Variants in MMP26 observed in about 807,000 individuals in gnomAD.
MMP26 encodes matrix metalloproteinase-26.
Under a neutral mutation model 31.0 loss-of-function variants are expected in MMP26, and 33 were observed. The observed-to-expected ratio is 1.06, with a 90% CI of 0.81 to 1.42. MMP26 has a LOEUF of 1.42. Among genes scored for constraint, MMP26 ranks in the 40% most tolerant of loss-of-function variants. The pLI is 0.00. For missense variants in MMP26, 347 were observed against 316.1 expected, an observed-to-expected ratio of 1.10 and a Z score of -0.74; for synonymous variants, 122 against 114.9, an observed-to-expected ratio of 1.06 and a Z score of -0.40.
chr11:4,913,533 C>G (rs1304808636), intron 2 of MMP26: 2 of 152,156 alleles, frequency 1.3e-5, no homozygotes, highest in Admixed American at 1.3e-4. Context: ...ACATGTATTA[C>G]TCAAAATATA....
intron 1 of MMP26, among the ~76,000 whole-genome samples, chr11:4,714,918 TCTCACA>T (rs1357695616): frequency 1.5e-4 from 19 of 130,268 alleles, no homozygotes; most frequent in African/African-American, 3.9e-4. Context: ...TCTCTCTCTC[TCTCACA>T]CACACACACA....
intron 2 of MMP26, among the ~76,000 whole-genome samples, chr11:4,829,147 A>G (rs1356412197): frequency 1.3e-5 from 2 of 152,204 alleles, no homozygotes; most frequent in Non-Finnish European, 2.9e-5. Flanking sequence ...GTAAAAGGCT[A>G]CTAAATACCA....
At chr11:4,911,949 C>T (rs1173934197) in intron 2 of MMP26, among the ~76,000 whole-genome samples, 2 of 152,174 alleles carry the variant, frequency 1.3e-5, no homozygotes, top group Non-Finnish European at 2.9e-5. Flanking sequence ...ACCCAACTAA[C>T]TTCTGCTTAT....
At chr11:4,888,581 A>G (rs115348639) in intron 2 of MMP26, among the ~76,000 whole-genome samples, 2,332 of 152,212 alleles carry the variant, frequency 0.015, 73 homozygotes, top group African/African-American at 0.054. Flanking sequence ...TTTTTACCAA[A>G]AGCACAATCA....
chr11:4,922,643 AAC>A (rs1462369564), intron 2 of MMP26, among the ~76,000 whole-genome samples: 1 of 152,202 alleles, frequency 6.6e-6, no homozygotes, highest in Non-Finnish European at 1.5e-5. Flanking sequence ...AGCACAAAAT[AAC>A]ACATAATTTT....
At chr11:4,744,933 A>C (rs1184200885) in intron 1 of MMP26, among the ~76,000 whole-genome samples, 1 of 152,166 alleles carries the variant, frequency 6.6e-6, no homozygotes, top group African/African-American at 2.4e-5. Flanking sequence ...TTTAATATGC[A>C]GTCTCTTATC....
At chr11:4,804,686 T>C (rs1286556940) in intron 2 of MMP26, 2 of 440,416 alleles carry the variant, frequency 4.5e-6, no homozygotes, top group African/African-American at 2.0e-5. Context: ...GGCTTACACC[T>C]ATAATCCTAG....
chr11:4,883,283 T>G lies in MMP26; in HGVS notation c.-144-104785T>G, dbSNP rs146491717. ...GATATTTCCAGTGAGGCAATGAAGGTTGTTACTTGAGCTGGTAAAAGGAAA... is the reference window on the plus strand; with the variant it reads ...GATATTTCCAGTGAGGCAATGAAGGGTGTTACTTGAGCTGGTAAAAGGAAA... On this transcript the variant is annotated intron_variant, in intron 2 of 7. Transcript: ENST00000380390. Among the ~76,000 whole-genome samples the G allele has an allele frequency of 5.3e-4, 80 of 152,182 alleles. 1 individual carries two copies. The East Asian group carries it at 0.015, about 28-fold the overall frequency.
chr11:4,803,885 C>T, intron 2 of MMP26: 1 of 1,612,794 alleles, frequency 6.2e-7, no homozygotes, highest in East Asian at 2.2e-5. Context: ...ATCCTAGACA[C>T]CATGAAGCAG....
chr11:4,797,329 G>T (rs573951550), intron 2 of MMP26, among the ~76,000 whole-genome samples: 1 of 152,156 alleles, frequency 6.6e-6, no homozygotes, highest in African/African-American at 2.4e-5. Flanking sequence ...AAGTTCTGTT[G>T]GTAACTCGAG....
chr11:4,908,150 C>A, intron 2 of MMP26: 1 of 1,614,198 alleles, frequency 6.2e-7, no homozygotes, highest in South Asian at 1.1e-5. Flanking sequence ...GGCTGCCATG[C>A]ATCACTTTGC....
At chr11:4,850,298 C>G (rs1849957452) in intron 2 of MMP26, among the ~76,000 whole-genome samples, 1 of 152,148 alleles carries the variant, frequency 6.6e-6, no homozygotes, top group Admixed American at 6.5e-5. Context: ...TTAACAGACA[C>G]ATCTTAATGC....
chr11:4,821,066 G>A (rs367629979), intron 2 of MMP26, among the ~76,000 whole-genome samples: 7 of 152,056 alleles, frequency 4.6e-5, no homozygotes, highest in Non-Finnish European at 8.8e-5. Flanking sequence ...AACAAGTACT[G>A]GAAAGCAGGT....
At chr11:4,929,455 A>AAAATGAGC (rs147771397) in intron 2 of MMP26, among the ~76,000 whole-genome samples, 1 of 152,162 alleles carries the variant, frequency 6.6e-6, no homozygotes, top group African/African-American at 2.4e-5. Context: ...TCAGAAGAAA[A>AAAATGAGC]AAATTAGCAT....
At chr11:4,776,864 C>A (rs1277142415) in intron 2 of MMP26, among the ~76,000 whole-genome samples, 4 of 152,138 alleles carry the variant, frequency 2.6e-5, no homozygotes, top group Non-Finnish European at 4.4e-5. Flanking sequence ...CACTAAATCT[C>A]TTTTCTTTAT....
At chr11:4,792,269 A>C (rs1439169371) in intron 2 of MMP26, among the ~76,000 whole-genome samples, 1 of 152,172 alleles carries the variant, frequency 6.6e-6, no homozygotes, top group African/African-American at 2.4e-5. Context: ...AGAAAACACA[A>C]ATAGCAAATA....
chr11:4,907,191 T>G, intron 2 of MMP26: 1 of 515,774 alleles, frequency 1.9e-6, no homozygotes, highest in Non-Finnish European at 3.4e-6. Context: ...GAATATGAAC[T>G]TGTTTAAGGA....
intron 1 of MMP26, among the ~76,000 whole-genome samples, chr11:4,746,327 C>G (rs1589889438): frequency 6.6e-6 from 1 of 152,048 alleles, no homozygotes; most frequent in East Asian, 1.9e-4. Context: ...TAGGAATTAT[C>G]CAATAGTTGT....
At chr11:4,814,819 T>C (rs1389123266) in intron 2 of MMP26, among the ~76,000 whole-genome samples, 1 of 152,168 alleles carries the variant, frequency 6.6e-6, no homozygotes, top group East Asian at 1.9e-4. Flanking sequence ...AATTAGAGCA[T>C]AGTAATTCTG....
Sources: allele counts gnomAD v4.1 joint callset (sites outside exome capture counted in the v4.1 genomes callset), GRCh38; gene constraint gnomAD v4.1.1; transcripts MANE v1.5; gene names NCBI Gene and HGNC (gene_info 2026-07-23, HGNC 2026-07-21).